The following GRIFIN variants were observed in gnomAD, a reference collection of about 807,000 sequenced individuals.
GRIFIN encodes galectin-related inter-fiber protein, also known as putative grifin.
In GRIFIN, 22 loss-of-function variants were observed where a neutral mutation model predicts 18.2. That is an observed-to-expected ratio of 1.21 (90% CI 0.86 to 1.73). GRIFIN has a LOEUF of 1.73. GRIFIN is among the 40% of genes most tolerant of loss of function. The pLI is 0.00. For missense variants in GRIFIN, 200 were observed against 190.1 expected (o/e 1.05, Z -0.31); for synonymous variants, 101 against 82.8 (o/e 1.22, Z -1.19).
Position 2,475,188 on chromosome 7 carries a change from G to A in GRIFIN, c.372C>T (p.Asp124=). Residue 124 remains aspartate (D), a synonymous_variant, in exon 4 of 5, where the codon GAC becomes GAT. Transcript: ENST00000614228. ...GATTRVRVLS[D]HCLAQVELAK... The stretch of plus-strand genomic sequence containing the variant: ...CCAGCTCCACCTGGGCCAGGCAGTG[G>A]TCACTCAGCACGCGCACCCTGGTGG... The A allele has an allele frequency of 2.5e-6, 4 of 1,593,848 alleles. No individual in the cohort carries two copies. The highest frequency in any genetic ancestry group is 3.4e-6 in the Non-Finnish European group (4 of 1,177,704).
In GRIFIN at chr7:2,474,891, A is replaced by G. The variant is rs1488587817; in HGVS notation, c.420-6T>C. On this transcript the variant is annotated splice_polypyrimidine_tract_variant and splice_region_variant and intron_variant, in intron 4 of 4. Coordinates refer to ENST00000614228, the MANE Select transcript of GRIFIN (RefSeq NM_001394787.1). The stretch of plus-strand genomic sequence containing the variant: ...TCACTCAGTAGCCCCGGTCCCTGCA[A>G]ACATCCAAGGCACGTCCCTAGCTCC... 1 of 563,152 alleles carries G rather than the reference A, an allele frequency of 1.8e-6. No individual in the cohort carries two copies. The highest frequency in any genetic ancestry group is 3.0e-5 in the Admixed American group (1 of 32,946). The allele number at this position is 563,152 out of a possible 1,614,324, so 34.9% of individuals were successfully genotyped here.
chr7:2,475,104 G>A, intron 4 of GRIFIN, 37 bp downstream of exon 4: 1 of 1,545,522 alleles, frequency 6.5e-7, no homozygotes, highest in Non-Finnish European at 8.7e-7. Flanking sequence ...TGTGGGGCAG[G>A]AATGGGCAGG....
Position 2,474,753 on chromosome 7 carries a change from G to A in GRIFIN, c.*117C>T. 2.4e-6 allele frequency: 1 copy of A among 414,912 alleles called. No individual in the cohort carries two copies. The highest frequency in any genetic ancestry group is 4.2e-6 in the Non-Finnish European group (1 of 235,508). 25.7% of individuals were successfully genotyped at this position (414,912 alleles called of 1,614,324 possible). A position where few individuals can be genotyped will look rare whatever the true frequency, so the allele number is the denominator to read the frequency against. On this transcript the variant is annotated 3_prime_UTR_variant, in exon 5 of 5. Transcript: ENST00000614228. ...AGCCTTCTCAGAGTTTATTGAAGGT[G>A]GAGCTGCGAGGAGCACACAGGACCA...
At position 2,475,781 on chromosome 7, in the gene GRIFIN, A is replaced by G; in HGVS notation, c.140T>C (p.Ile47Thr). ...LLETGDIAFH[I>T]KPRFSSATVV... ...AGTGGCGCTGGAGAACCGGGGCTTG[A>G]TGTGGAAGGCAATGTCCCCCGTCTC... is the stretch of plus-strand genomic sequence containing the variant. The change falls in exon 3 of 5, where the codon ATC (isoleucine) becomes ACC (threonine). Residue 47 changes from isoleucine (I) to threonine (T), a missense_variant. Physicochemically the swap from Ile to Thr is moderately conservative, Grantham distance 89 (BLOSUM62 -1). Coordinates refer to ENST00000614228, the MANE Select transcript of GRIFIN (RefSeq NM_001394787.1). 6.4e-7 allele frequency: 1 copy of G among 1,574,142 alleles called. No individual in the cohort carries two copies. The highest frequency in any genetic ancestry group is 1.1e-5 in the South Asian group (1 of 88,580).
At chr7:2,476,110 G>T (rs1583249827) in intron 1 of GRIFIN, 111 bp from the exon 2 acceptor site, 1 of 926,504 alleles carries the variant, frequency 1.1e-6, no homozygotes, top group Non-Finnish European at 1.6e-6. Context: ...CACCCAGCCT[G>T]CCCCCAACCC....
intron 1 of GRIFIN, 88 bp downstream of exon 1, chr7:2,476,284 C>T: frequency 7.0e-7 from 1 of 1,431,894 alleles, no homozygotes; most frequent in Non-Finnish European, 9.5e-7. Context: ...GAGCCCATAC[C>T]CCATCTCTGT....
intron 3 of GRIFIN, 53 bp from the exon 4 acceptor site, chr7:2,475,360 T>C (rs746239808): frequency 6.5e-7 from 1 of 1,535,920 alleles, no homozygotes; most frequent in East Asian, 2.4e-5. Context: ...GCCTGGGGTC[T>C]GGTCCCGCTT....
chr7:2,476,376 A>T lies in GRIFIN; in HGVS notation c.8T>A (p.Val3Glu). 1.3e-6 allele frequency: 2 copies of T among 1,571,198 alleles called. No homozygotes were observed. Among genetic ancestry groups the T allele is most frequent in the Non-Finnish European group, 1.7e-6 (2 of 1,168,034 alleles). Residue 3 changes from valine to glutamate, a missense_variant, in exon 1 of 5, where the codon GTG (valine) becomes GAG (glutamate). Physicochemically the swap from Val to Glu is moderately radical, Grantham distance 121. Coordinates refer to ENST00000614228, the MANE Select transcript of GRIFIN (RefSeq NM_001394787.1). Reference protein sequence around the residue: MAVQSKAFCAGGL... With the variant: MAEQSKAFCAGGL... ...CAGGTCCAGGGTCTCACCCACCTGCACTGCCATCTGCTCCCAGCCACTGTG... is the reference window on the plus strand; with the variant it reads ...CAGGTCCAGGGTCTCACCCACCTGCTCTGCCATCTGCTCCCAGCCACTGTG...
chr7:2,476,337 C>T (rs1326115429), intron 1 of GRIFIN, 35 bp downstream of exon 1: 1 of 1,561,926 alleles, frequency 6.4e-7, no homozygotes, highest in Admixed American at 1.8e-5. Flanking sequence ...CAGCCCTGCA[C>T]CGTTCTCCTT....
In GRIFIN at chr7:2,475,362, G is replaced by A. The variant is rs548289894; in HGVS notation, c.253-55C>T. 7.6e-5 allele frequency: 117 copies of A among 1,534,582 alleles called. No individual in the cohort carries two copies. In the South Asian group the frequency reaches 1.1e-3, roughly 14 times the overall value. On this transcript the variant is annotated intron_variant, in intron 3 of 4. Coordinates refer to ENST00000614228, the MANE Select transcript of GRIFIN (RefSeq NM_001394787.1). ...GCCAGCCCCCAGGGCCTGGGGTCTGGTCCCGCTTTTAACGGTGATGTGCCT... is the reference window on the plus strand; with the variant it reads ...GCCAGCCCCCAGGGCCTGGGGTCTGATCCCGCTTTTAACGGTGATGTGCCT...
chr7:2,474,969 G>A (rs937852166), intron 4 of GRIFIN, 84 bp from the exon 5 acceptor site: 9 of 731,064 alleles, frequency 1.2e-5, no homozygotes, highest in African/African-American at 5.3e-5. Context: ...CCCTGCTCCC[G>A]TGGCCGGATA....
chr7:2,475,972 C>T lies in GRIFIN; in HGVS notation c.40G>A (p.Ala14Thr), dbSNP rs773125628. The change falls in exon 2 of 5, where the codon GCC becomes ACC. Residue 14 changes from alanine to threonine, a missense_variant. Ala to Thr is a moderately conservative substitution (Grantham distance 58). Coordinates refer to ENST00000614228, the MANE Select transcript of GRIFIN (RefSeq NM_001394787.1). ...QSKAFCAGGL[A>T]PGWKLLVQGH... ...TGGACCAGCAGCTTCCAGCCGGGGG[C>T]CAGGCCGCCCGCACAGAAGGCTTTA... is the stretch of plus-strand genomic sequence containing the variant. The T allele has an allele frequency of 2.5e-6, 4 of 1,598,128 alleles. No individual in the cohort carries two copies. The highest frequency in any genetic ancestry group is 3.4e-6 in the Non-Finnish European group (4 of 1,179,654).
intron 3 of GRIFIN, 158 bp from the exon 4 acceptor site, chr7:2,475,465 C>G (rs1466917455): frequency 8.3e-7 from 1 of 1,207,022 alleles, no homozygotes; most frequent in African/African-American, 1.5e-5. Flanking sequence ...AAAGTCCCCT[C>G]CTTTCTCCCA....
At position 2,475,735 on chromosome 7, in the gene GRIFIN, C is replaced by T. The variant is rs541149447; in HGVS notation, c.186G>A (p.Gln62=). 1.9e-6 allele frequency: 3 copies of T among 1,562,644 alleles called. No homozygotes were observed. Among genetic ancestry groups the T allele is most frequent in the Non-Finnish European group, 2.6e-6 (3 of 1,159,486 alleles). Residue 62 remains glutamine (Q), a synonymous_variant, in exon 3 of 5, where the codon CAG becomes CAA. Transcript: ENST00000614228. ...CCTGCTCCGGGCCCCAGCGGCCGTA[C>T]TGGAAGGCATTGCCCACCACAGTGG... ...SSATVVGNAF[Q]YGRWGPEQVS...
Position 2,475,376 on chromosome 7 carries a change from G to A in GRIFIN, c.253-69C>T, listed in dbSNP as rs563515812. 4.4e-4 allele frequency: 661 copies of A among 1,501,050 alleles called. 8 individuals are homozygous for A. In the South Asian group the frequency reaches 6.9e-3, roughly 16 times the overall value. 93.0% of individuals were successfully genotyped at this position (1,501,050 alleles called of 1,614,324 possible). On this transcript the variant is annotated intron_variant, in intron 3 of 4. Transcript: ENST00000614228. ...CCTGGGGTCTGGTCCCGCTTTTAAC[G>A]GTGATGTGCCTGCCGGCCGTCTCCA...
Position 2,475,151 on chromosome 7 carries a change from G to T in GRIFIN, c.409C>A (p.Leu137Met). The T allele has an allele frequency of 6.3e-7, 1 of 1,583,868 alleles. No homozygotes were observed. Among genetic ancestry groups the T allele is most frequent in the African/African-American group, 1.3e-5 (1 of 74,728 alleles). ...LAQVELAKRGLSWGDRGY is the reference protein window; with the variant it reads ...LAQVELAKRGMSWGDRGY The stretch of plus-strand genomic sequence containing the variant: ...AGGCAGGGACTTTACCCCCAGCTCA[G>T]GCCCCTCTTGGCCAGCTCCACCTGG... The change falls in exon 4 of 5, where the codon CTG becomes ATG. Residue 137 changes from leucine (L) to methionine (M), a missense_variant. Transcript: ENST00000614228.
At chr7:2,476,043 C>G in intron 1 of GRIFIN, 44 bp from the exon 2 acceptor site, 1 of 1,536,224 alleles carries the variant, frequency 6.5e-7, no homozygotes, top group Non-Finnish European at 8.8e-7. Flanking sequence ...GGGCTGCAGC[C>G]TCCTCCCTCC....
At chr7:2,476,292 T>C (rs1161357371) in intron 1 of GRIFIN, 80 bp downstream of exon 1, 29 of 1,463,784 alleles carry the variant, frequency 2.0e-5, no homozygotes, top group South Asian at 8.5e-5. Context: ...ACCCCATCTC[T>C]GTGCAGAGAG....
Position 2,475,154 on chromosome 7 carries a change from C to A in GRIFIN, c.406G>T (p.Gly136Cys). The change falls in exon 4 of 5, where the codon GGC (glycine) becomes TGC (cysteine). Residue 136 changes from glycine (G) to cysteine (C), a missense_variant. Coordinates refer to ENST00000614228, the MANE Select transcript of GRIFIN (RefSeq NM_001394787.1). ...CAGGGACTTTACCCCCAGCTCAGGC[C>A]CCTCTTGGCCAGCTCCACCTGGGCC... ...CLAQVELAKRGLSWGDRGY is the reference protein window; with the variant it reads ...CLAQVELAKRCLSWGDRGY 1.3e-6 allele frequency: 2 copies of A among 1,585,326 alleles called. No homozygotes were observed. The highest frequency in any genetic ancestry group is 1.7e-6 in the Non-Finnish European group (2 of 1,173,898).
Sources: gnomAD v4.1 joint callset for allele counts on GRCh38, gnomAD v4.1.1 for gene constraint, MANE v1.5 for transcripts, NCBI Gene and HGNC (gene_info 2026-07-23, HGNC 2026-07-21) for gene names.